Variants in AP3B1 observed in about 807,000 individuals in gnomAD.
AP3B1 encodes adaptor related protein complex 3 subunit beta 1.
A neutral mutation model predicts 132.5 loss-of-function variants in AP3B1; 61 were observed. The observed-to-expected ratio is 0.46, with a 90% CI of 0.37 to 0.57. The LOEUF (loss-of-function observed/expected upper bound fraction) is 0.57, where lower values mean the gene tolerates loss of function less well. AP3B1 is among the 20% of genes least tolerant of loss of function. The pLI is 0.00. For synonymous variants in AP3B1, 388 were observed against 438.3 expected, an observed-to-expected ratio of 0.89 and a Z score of 1.43; for missense variants, 1,120 against 1,289.4, an observed-to-expected ratio of 0.87 and a Z score of 2.01.
At chr5:78,249,935 T>C (rs1472228383) in intron 2 of AP3B1, among the ~76,000 whole-genome samples, 1 of 152,194 alleles carries the variant, frequency 6.6e-6, no homozygotes, top group Non-Finnish European at 1.5e-5. Flanking sequence ...TCTTCTGTTA[T>C]CACCATTCTG....
chr5:78,211,502 T>C (rs1236496948), intron 7 of AP3B1, among the ~76,000 whole-genome samples: 7 of 152,226 alleles, frequency 4.6e-5, no homozygotes, highest in Admixed American at 1.3e-4. Flanking sequence ...ATTTGAGAAC[T>C]TATTGACAAA....
At chr5:78,071,358 T>C (rs1749534427) in intron 22 of AP3B1, among the ~76,000 whole-genome samples, 1 of 151,884 alleles carries the variant, frequency 6.6e-6, no homozygotes, top group Non-Finnish European at 1.5e-5. Flanking sequence ...AGCTGAACAA[T>C]GAGAACACAT....
At chr5:78,135,645 G>C (rs1752882019) in intron 15 of AP3B1, among the ~76,000 whole-genome samples, 1 of 151,964 alleles carries the variant, frequency 6.6e-6, no homozygotes, top group Admixed American at 6.6e-5. Flanking sequence ...CTTTTCCATA[G>C]GTTTGCAATA....
intron 7 of AP3B1, among the ~76,000 whole-genome samples, chr5:78,192,299 A>C (rs1032847904): frequency 1.3e-5 from 2 of 152,214 alleles, no homozygotes; most frequent in Admixed American, 6.5e-5. Flanking sequence ...TGTAATTTTA[A>C]GTGAACTATA....
chr5:78,250,465 GAA>G (rs1234608452), intron 2 of AP3B1, among the ~76,000 whole-genome samples: 1 of 151,944 alleles, frequency 6.6e-6, no homozygotes, highest in Non-Finnish European at 1.5e-5. Context: ...TTATTAATAC[GAA>G]TACTACTCTC....
chr5:78,022,538 C>A (rs1239398961), intron 24 of AP3B1, among the ~76,000 whole-genome samples: 1 of 152,144 alleles, frequency 6.6e-6, no homozygotes, highest in African/African-American at 2.4e-5. Context: ...GTTGTGGAAT[C>A]CTGTCCAGCT....
chr5:78,289,884 C>T (rs1275771595), intron 1 of AP3B1, among the ~76,000 whole-genome samples: 1 of 152,116 alleles, frequency 6.6e-6, no homozygotes, highest in Admixed American at 6.5e-5. Flanking sequence ...TCTAAATATC[C>T]ATCTCATTTG....
intron 24 of AP3B1, among the ~76,000 whole-genome samples, chr5:78,022,878 T>C (rs993690029): frequency 2.6e-5 from 4 of 152,210 alleles, no homozygotes; most frequent in Admixed American, 2.6e-4. Flanking sequence ...AGACAGCTTC[T>C]GTTATTTCAA....
At chr5:78,125,873 G>A (rs778583454) in intron 17 of AP3B1, among the ~76,000 whole-genome samples, 4 of 152,098 alleles carry the variant, frequency 2.6e-5, no homozygotes, top group Non-Finnish European at 5.9e-5. Context: ...GCTTAGAAGA[G>A]CACATGAAAA....
intron 22 of AP3B1, among the ~76,000 whole-genome samples, chr5:78,059,585 C>T (rs1204757015): frequency 6.6e-6 from 1 of 152,094 alleles, no homozygotes; most frequent in African/African-American, 2.4e-5. Flanking sequence ...TGAACTTAAA[C>T]TCCAACTATT....
chr5:78,237,773 A>G (rs1423904923), intron 3 of AP3B1, among the ~76,000 whole-genome samples: 1 of 152,220 alleles, frequency 6.6e-6, no homozygotes, highest in Non-Finnish European at 1.5e-5. Flanking sequence ...AGATCGTGCC[A>G]CTGCACTCCA....
chr5:78,287,007 A>C (rs902502532), intron 1 of AP3B1, among the ~76,000 whole-genome samples: 4 of 152,220 alleles, frequency 2.6e-5, no homozygotes, highest in Non-Finnish European at 4.4e-5. Context: ...ATTTATATAC[A>C]CAAGTGAAAT....
chr5:78,284,990 T>C (rs1749208977), intron 1 of AP3B1, among the ~76,000 whole-genome samples: 1 of 152,108 alleles, frequency 6.6e-6, no homozygotes, highest in Non-Finnish European at 1.5e-5. Context: ...CCCACGCCTG[T>C]AAATCCCAGC....
At chr5:78,203,231 T>C (rs1200017491) in intron 7 of AP3B1, among the ~76,000 whole-genome samples, 3 of 152,178 alleles carry the variant, frequency 2.0e-5, no homozygotes, top group Non-Finnish European at 2.9e-5. Context: ...TATTAAGAAA[T>C]ACCCAAGACT....
At chr5:78,285,754 T>C (rs934611966) in intron 1 of AP3B1, among the ~76,000 whole-genome samples, 1 of 152,176 alleles carries the variant, frequency 6.6e-6, no homozygotes, top group Non-Finnish European at 1.5e-5. Flanking sequence ...AAACTTTGTA[T>C]CCACCCTTGA....
intron 2 of AP3B1, among the ~76,000 whole-genome samples, chr5:78,265,886 C>A (rs1025151915): frequency 2.6e-5 from 4 of 152,202 alleles, no homozygotes; most frequent in Admixed American, 6.5e-5. Context: ...CTTTTCATTT[C>A]TTTGCTGTAT....
chr5:78,226,449 C>T (rs568240699), intron 5 of AP3B1, among the ~76,000 whole-genome samples: 1 of 152,218 alleles, frequency 6.6e-6, no homozygotes, highest in South Asian at 2.1e-4. Flanking sequence ...CATCTCATTA[C>T]ATCTTTACTT....
chr5:78,254,338 T>C (rs547446581), intron 2 of AP3B1, among the ~76,000 whole-genome samples: 3 of 152,136 alleles, frequency 2.0e-5, no homozygotes, highest in South Asian at 2.1e-4. Flanking sequence ...TAGAGAAAGA[T>C]ATCAACATTC....
At chr5:78,225,675 T>C (rs188274536) in intron 5 of AP3B1, 67 bp from the exon 6 acceptor site, 1 of 992,040 alleles carries the variant, frequency 1.0e-6, no homozygotes. Context: ...TGCTCACCAA[T>C]TCAAGGATGT....
Sources: gnomAD v4.1 joint callset for allele counts (sites outside exome capture counted in the v4.1 genomes callset) on GRCh38, gnomAD v4.1.1 for gene constraint, MANE v1.5 for transcripts, NCBI Gene and HGNC (gene_info 2026-07-23, HGNC 2026-07-21) for gene names.